The following HDAC9 variants were observed in gnomAD, a reference collection of about 807,000 sequenced individuals.
HDAC9 encodes the protein histone deacetylase 9, also known as MEF-2 interacting transcription repressor (MITR) protein.
A neutral mutation model predicts 139.4 loss-of-function variants in HDAC9; 41 were observed. That is an observed-to-expected ratio of 0.29 (90% confidence interval 0.23 to 0.38). HDAC9 has a LOEUF of 0.38. Ranked by LOEUF, HDAC9 falls within the 10% of genes least tolerant of loss-of-function variation. The probability of loss-of-function intolerance (pLI) is 1.00; values close to 1 mark genes in which losing one functional copy is unlikely to be tolerated. For missense variants in HDAC9, 1,147 were observed against 1,297.0 expected (o/e 0.88, Z 1.78); for synonymous variants, 517 against 476.2 (o/e 1.09, Z -1.12).
intron 2 of HDAC9, among the ~76,000 whole-genome samples, chr7:18,241,498 G>A (rs1303946288): frequency 2.6e-5 from 4 of 152,090 alleles, no homozygotes; most frequent in African/African-American, 4.8e-5. Context: ...ATCTCCTCAC[G>A]TTGCTGCCTC....
intron 1 of HDAC9, among the ~76,000 whole-genome samples, chr7:18,365,418 C>T (rs143542011): frequency 1.6e-4 from 24 of 152,202 alleles, no homozygotes; most frequent in African/African-American, 5.1e-4. Flanking sequence ...AGTGTATGCT[C>T]TGCACATTCA....
At chr7:18,236,374 G>A (rs1417812525) in intron 2 of HDAC9, among the ~76,000 whole-genome samples, 1 of 152,098 alleles carries the variant, frequency 6.6e-6, no homozygotes, top group Admixed American at 6.5e-5. Context: ...GAAGTTTGTG[G>A]GATCTTAAAG....
chr7:18,570,027 G>A (rs1386900681), intron 2 of HDAC9, among the ~76,000 whole-genome samples: 1 of 152,162 alleles, frequency 6.6e-6, no homozygotes, highest in Non-Finnish European at 1.5e-5. Context: ...ACTGTTTACA[G>A]TTAATTATGA....
At chr7:18,183,598 T>C (rs1469248784) in intron 2 of HDAC9, among the ~76,000 whole-genome samples, 4 of 152,246 alleles carry the variant, frequency 2.6e-5, no homozygotes, top group Non-Finnish European at 5.9e-5. Flanking sequence ...CATAAGAAGA[T>C]TGGCAGAACA....
At chr7:18,117,737 A>C (rs1406107755) in intron 1 of HDAC9, among the ~76,000 whole-genome samples, 3 of 152,208 alleles carry the variant, frequency 2.0e-5, no homozygotes, top group African/African-American at 7.2e-5. Flanking sequence ...CCTTGATTTC[A>C]GACTTCTGGC....
intron 12 of HDAC9, among the ~76,000 whole-genome samples, chr7:18,706,160 C>CTTTTTT (rs1165670432): frequency 1.2e-4 from 10 of 86,748 alleles, no homozygotes; most frequent in South Asian, 9.6e-4. Context: ...GAAAGTTTTC[C>CTTTTTT]TTTTTTTTTT....
At chr7:18,316,966 C>T (rs1466552683) in intron 1 of HDAC9, among the ~76,000 whole-genome samples, 7 of 151,814 alleles carry the variant, frequency 4.6e-5, no homozygotes, top group Middle Eastern at 3.4e-3. Flanking sequence ...TGGTGGCGGG[C>T]GCCTGTAGTC....
At chr7:18,138,597 C>T (rs1160069331) in intron 1 of HDAC9, among the ~76,000 whole-genome samples, 1 of 147,900 alleles carries the variant, frequency 6.8e-6, no homozygotes, top group African/African-American at 2.6e-5. Context: ...GGTTTTGGCT[C>T]AAGTGGATAC....
intron 2 of HDAC9, among the ~76,000 whole-genome samples, chr7:18,576,124 G>C (rs953697409): frequency 6.6e-6 from 1 of 152,174 alleles, no homozygotes; most frequent in Non-Finnish European, 1.5e-5. Flanking sequence ...AACACATATG[G>C]AAAATCTCTG....
At chr7:18,765,053 C>G (rs921957255) in intron 15 of HDAC9, among the ~76,000 whole-genome samples, 3 of 152,138 alleles carry the variant, frequency 2.0e-5, no homozygotes, top group African/African-American at 7.2e-5. Flanking sequence ...ATATTCCTGT[C>G]GCTCTTATGA....
intron 7 of HDAC9, among the ~76,000 whole-genome samples, 185 bp downstream of exon 7, chr7:18,629,666 A>C (rs918454684): frequency 6.6e-5 from 10 of 152,196 alleles, no homozygotes; most frequent in African/African-American, 2.4e-4. Flanking sequence ...ACTGTGTTAA[A>C]CAGGAAATGA....
intron 2 of HDAC9, among the ~76,000 whole-genome samples, chr7:18,580,062 A>G (rs1827301654): frequency 1.3e-5 from 2 of 152,208 alleles, no homozygotes; most frequent in Admixed American, 6.5e-5. Context: ...GTGAAGAAGT[A>G]AGAAATACTC....
intron 2 of HDAC9, among the ~76,000 whole-genome samples, chr7:18,168,647 G>A (rs1584429765): frequency 6.6e-6 from 1 of 151,822 alleles, no homozygotes; most frequent in African/African-American, 2.4e-5. Flanking sequence ...AAACACAAAG[G>A]TATGTGGAAC....
At chr7:18,123,546 A>T (rs1784481820) in intron 1 of HDAC9, among the ~76,000 whole-genome samples, 1 of 152,176 alleles carries the variant, frequency 6.6e-6, no homozygotes, top group Non-Finnish European at 1.5e-5. Context: ...TATTGGGAAA[A>T]TGCATTTGGA....
chr7:18,856,403 A>G (rs1175355696), intron 21 of HDAC9, among the ~76,000 whole-genome samples: 1 of 152,144 alleles, frequency 6.6e-6, no homozygotes, highest in East Asian at 1.9e-4. Context: ...GGTCACTATA[A>G]TGAACAGAGG....
chr7:18,494,393 C>T (rs931866826), upstream of HDAC9, among the ~76,000 whole-genome samples: 1 of 152,022 alleles, frequency 6.6e-6, no homozygotes, highest in African/African-American at 2.4e-5. Context: ...CCTCTTCCAT[C>T]GGATTGTTCT....
chr7:18,139,799 G>T (rs1041963245), intron 1 of HDAC9, among the ~76,000 whole-genome samples: 1 of 152,254 alleles, frequency 6.6e-6, no homozygotes, highest in African/African-American at 2.4e-5. Context: ...TATTTAATAC[G>T]TACAGAAGGG....
chr7:18,284,254 T>TTGGTATTTACA (rs1168721407), intron 2 of HDAC9, among the ~76,000 whole-genome samples: 2 of 152,140 alleles, frequency 1.3e-5, no homozygotes, highest in African/African-American at 4.8e-5. Context: ...TAAATTTAAT[T>TTGGTATTTACA]TGGTATTTAC....
chr7:18,739,441 G>A (rs1221808848), intron 13 of HDAC9, among the ~76,000 whole-genome samples: 1 of 152,180 alleles, frequency 6.6e-6, no homozygotes, highest in Non-Finnish European at 1.5e-5. Flanking sequence ...TACAGATGGG[G>A]TTTTGGTGTA....
Sources: gnomAD v4.1 joint callset for allele counts (sites outside exome capture counted in the v4.1 genomes callset) on GRCh38, gnomAD v4.1.1 for gene constraint, MANE v1.5 for transcripts, NCBI Gene and HGNC (gene_info 2026-07-23, HGNC 2026-07-21) for gene names.